The following KDM4C variants were observed in gnomAD, a reference collection of about 807,000 sequenced individuals.
KDM4C encodes lysine-specific demethylase 4C.
Under a neutral mutation model 129.3 loss-of-function variants are expected in KDM4C, and 81 were observed. The ratio of observed to expected loss-of-function variants is 0.63; its 90% confidence interval spans 0.52 to 0.75. KDM4C has a LOEUF of 0.75. KDM4C is among the 30% of genes least tolerant of loss of function. KDM4C has a pLI of 0.00. For synonymous variants in KDM4C, 573 were observed against 456.1 expected (o/e 1.26, Z -3.26); for missense variants, 1,457 against 1,304.0 (o/e 1.12, Z -1.81).
intron 5 of KDM4C, among the ~76,000 whole-genome samples, chr9:6,878,730 ATG>A (rs751609295): frequency 4.6e-5 from 7 of 151,934 alleles, no homozygotes; most frequent in African/African-American, 1.5e-4. Flanking sequence ...TATTACATGT[ATG>A]TGTGTGTGTG....
intron 5 of KDM4C, among the ~76,000 whole-genome samples, chr9:6,853,902 G>T (rs1839293729): frequency 6.6e-6 from 1 of 152,116 alleles, no homozygotes. Flanking sequence ...ATGGAGGCAT[G>T]ATTTATTCTC....
chr9:7,035,249 A>G (rs868201079), intron 15 of KDM4C, among the ~76,000 whole-genome samples: 1 of 144,858 alleles, frequency 6.9e-6, no homozygotes, highest in South Asian at 2.2e-4. Context: ...CTTGGGCTCA[A>G]GTGATCCTCC....
upstream of KDM4C, among the ~76,000 whole-genome samples, chr9:6,755,785 T>C (rs1369773699): frequency 6.6e-6 from 1 of 152,148 alleles, no homozygotes; most frequent in East Asian, 1.9e-4. Context: ...TTTTGATACA[T>C]TAGGGACACA....
At chr9:7,049,231 A>T in intron 17 of KDM4C, 31 bp downstream of exon 17, 1 of 1,179,978 alleles carries the variant, frequency 8.5e-7, no homozygotes, top group South Asian at 1.3e-5. Flanking sequence ...TTTACCTCAT[A>T]AATTAGTGTT....
intron 17 of KDM4C, among the ~76,000 whole-genome samples, chr9:7,091,237 C>A (rs1300462736): frequency 2.0e-5 from 3 of 151,910 alleles, no homozygotes; most frequent in African/African-American, 7.3e-5. Context: ...CAGTACAAGT[C>A]TAGAGTGGAG....
chr9:6,734,371 C>G (rs1418305043), intron 1 of KDM4C, among the ~76,000 whole-genome samples: 2 of 150,830 alleles, frequency 1.3e-5, no homozygotes, highest in Non-Finnish European at 2.9e-5. Context: ...CTCAGCCCAC[C>G]ACAACCTCTG....
chr9:6,770,501 C>G (rs1013578522), intron 1 of KDM4C, among the ~76,000 whole-genome samples: 8 of 151,654 alleles, frequency 5.3e-5, no homozygotes, highest in Admixed American at 3.9e-4. Context: ...ACATGATCAA[C>G]AAATACTTTT....
intron 4 of KDM4C, among the ~76,000 whole-genome samples, chr9:6,823,022 A>G (rs1417551274): frequency 6.6e-6 from 1 of 152,226 alleles, no homozygotes; most frequent in African/African-American, 2.4e-5. Flanking sequence ...GTGTAGCATA[A>G]TGATGATTCT....
upstream of KDM4C, among the ~76,000 whole-genome samples, chr9:6,753,418 C>A (rs1443065859): frequency 1.3e-5 from 2 of 152,044 alleles, no homozygotes; most frequent in African/African-American, 4.8e-5. Context: ...TAATAGGATA[C>A]CACAGACTGG....
At chr9:6,952,692 T>G (rs1828391032) in intron 8 of KDM4C, among the ~76,000 whole-genome samples, 1 of 152,052 alleles carries the variant, frequency 6.6e-6, no homozygotes, top group South Asian at 2.1e-4. Context: ...TCACCTGCCT[T>G]GGCCTCCCAA....
intron 12 of KDM4C, among the ~76,000 whole-genome samples, chr9:7,007,009 A>T (rs1821792806): frequency 6.6e-6 from 1 of 152,266 alleles, no homozygotes. Flanking sequence ...ATTGTTGCCA[A>T]GGTGGCAATA....
chr9:7,060,382 G>T (rs760740277), intron 17 of KDM4C, among the ~76,000 whole-genome samples: 1 of 151,024 alleles, frequency 6.6e-6, no homozygotes. Context: ...CCTCTCCCTT[G>T]ACCCAGTAGC....
At chr9:6,777,989 T>C (rs1823450861) in intron 1 of KDM4C, among the ~76,000 whole-genome samples, 1 of 149,652 alleles carries the variant, frequency 6.7e-6, no homozygotes, top group South Asian at 2.2e-4. Flanking sequence ...GGCAAAATCA[T>C]AGCTCACTGC....
At chr9:6,843,953 C>T (rs1419526176) in intron 4 of KDM4C, among the ~76,000 whole-genome samples, 1 of 152,122 alleles carries the variant, frequency 6.6e-6, no homozygotes, top group East Asian at 1.9e-4. Context: ...TCCTCAGCCG[C>T]CTCCTGAGTA....
At chr9:7,086,584 C>A (rs975125280) in intron 17 of KDM4C, among the ~76,000 whole-genome samples, 3 of 152,194 alleles carry the variant, frequency 2.0e-5, no homozygotes, top group African/African-American at 7.2e-5. Context: ...AAGTGCTGTG[C>A]TGGGCACCAC....
At chr9:6,733,611 A>C (rs1024419171) in intron 1 of KDM4C, among the ~76,000 whole-genome samples, 2 of 152,206 alleles carry the variant, frequency 1.3e-5, no homozygotes, top group African/African-American at 4.8e-5. Flanking sequence ...ATGTTACAGG[A>C]AAGGGGTCCC....
Position 7,165,462 on chromosome 9 carries a change from A to G in KDM4C, c.2901+105A>G. The G allele has an allele frequency of 1.5e-6, 2 of 1,301,906 alleles. 1 individual carries two copies. The highest frequency in any genetic ancestry group is 2.8e-5 in the South Asian group (2 of 70,698). The allele number at this position is 1,301,906 out of a possible 1,614,324, so 80.6% of individuals were successfully genotyped here. A position where few individuals can be genotyped will look rare whatever the true frequency, so the allele number is the denominator to read the frequency against. On this transcript the variant is annotated intron_variant, in intron 20 of 21. Coordinates refer to ENST00000381309, the MANE Select transcript of KDM4C (RefSeq NM_015061.6). ...GAACAATAAGCCACATGAATTTGGGACACCTCTTATTTTATGCAGGAGGCA... is the reference window on the plus strand; with the variant it reads ...GAACAATAAGCCACATGAATTTGGGGCACCTCTTATTTTATGCAGGAGGCA...
At chr9:6,872,490 T>A (rs894187088) in intron 5 of KDM4C, among the ~76,000 whole-genome samples, 2 of 152,200 alleles carry the variant, frequency 1.3e-5, no homozygotes, top group African/African-American at 4.8e-5. Flanking sequence ...CCCACTATTA[T>A]TGTGTGGAAG....
chr9:7,056,825 G>C (rs1214002506), intron 17 of KDM4C, among the ~76,000 whole-genome samples: 1 of 152,182 alleles, frequency 6.6e-6, no homozygotes, highest in Non-Finnish European at 1.5e-5. Context: ...TGTGAGTAGT[G>C]ATTACTGACA....
Sources: allele counts gnomAD v4.1 joint callset (sites outside exome capture counted in the v4.1 genomes callset), GRCh38; gene constraint gnomAD v4.1.1; transcripts MANE v1.5; gene names NCBI Gene and HGNC (gene_info 2026-07-23, HGNC 2026-07-21).